ELAPOR2: variants seen among roughly 807,000 people sequenced by gnomAD.
ELAPOR2 encodes the protein endosome/lysosome-associated apoptosis and autophagy regulator family member 2.
ELAPOR2 carries 89 observed loss-of-function variants against 120.7 expected under a neutral mutation model. That is an observed-to-expected ratio of 0.74 (90% CI 0.62 to 0.88). The LOEUF (loss-of-function observed/expected upper bound fraction) is 0.88. ELAPOR2 is among the 40% of genes least tolerant of loss of function. The pLI is 0.00. For synonymous variants in ELAPOR2, 444 were observed against 444.9 expected, an observed-to-expected ratio of 1.00 and a Z score of 0.03; for missense variants, 1,134 against 1,251.6, an observed-to-expected ratio of 0.91 and a Z score of 1.42.
intron 1 of ELAPOR2, among the ~76,000 whole-genome samples, chr7:86,988,056 A>T (rs1037784683): frequency 6.6e-6 from 1 of 152,208 alleles, no homozygotes; most frequent in Non-Finnish European, 1.5e-5. Flanking sequence ...AGCGACATGG[A>T]GGAAGCTGGA....
At chr7:87,042,175 C>T (rs1794809516) in intron 1 of ELAPOR2, among the ~76,000 whole-genome samples, 1 of 150,394 alleles carries the variant, frequency 6.6e-6, no homozygotes, top group Non-Finnish European at 1.5e-5. Context: ...GACTTTAACA[C>T]CCCACTGTCA....
At chr7:87,037,249 C>T (rs1794616891) in intron 1 of ELAPOR2, among the ~76,000 whole-genome samples, 1 of 152,100 alleles carries the variant, frequency 6.6e-6, no homozygotes, top group Non-Finnish European at 1.5e-5. Context: ...CTCTCAGCTG[C>T]ACTCCTGTAC....
At chr7:86,948,739 A>G (rs1791110765) in intron 2 of ELAPOR2, among the ~76,000 whole-genome samples, 1 of 152,044 alleles carries the variant, frequency 6.6e-6, no homozygotes, top group Non-Finnish European at 1.5e-5. Context: ...ACTACAAAAA[A>G]AGAAAGCTAA....
At chr7:86,905,170 A>G (rs558156495) in intron 18 of ELAPOR2, among the ~76,000 whole-genome samples, 2 of 149,788 alleles carry the variant, frequency 1.3e-5, no homozygotes, top group East Asian at 2.0e-4. Flanking sequence ...GAGAGAAAGA[A>G]AGAAAGAGAG....
chr7:86,893,957 A>C (rs1788317707), intron 19 of ELAPOR2, among the ~76,000 whole-genome samples: 1 of 152,108 alleles, frequency 6.6e-6, no homozygotes, highest in African/African-American at 2.4e-5. Flanking sequence ...GATTCTATCC[A>C]CCAACATTAA....
chr7:86,918,059 C>T (rs987941179), intron 12 of ELAPOR2, among the ~76,000 whole-genome samples: 5 of 152,012 alleles, frequency 3.3e-5, no homozygotes, highest in Non-Finnish European at 5.9e-5. Context: ...TCTGCTCTTA[C>T]TTATTAGTAC....
At chr7:86,936,747 G>A (rs1007258884) in intron 8 of ELAPOR2, among the ~76,000 whole-genome samples, 1 of 151,892 alleles carries the variant, frequency 6.6e-6, no homozygotes, top group Non-Finnish European at 1.5e-5. Flanking sequence ...TTAATATACG[G>A]TCTTGCATCC....
intron 1 of ELAPOR2, among the ~76,000 whole-genome samples, chr7:87,009,190 G>A (rs1235324431): frequency 6.6e-6 from 1 of 152,096 alleles, no homozygotes; most frequent in African/African-American, 2.4e-5. Context: ...CATCAAGCAA[G>A]GTGAATTTTG....
chr7:86,956,028 C>T (rs956024839), intron 2 of ELAPOR2, among the ~76,000 whole-genome samples: 10 of 151,952 alleles, frequency 6.6e-5, no homozygotes, highest in African/African-American at 2.2e-4. Context: ...AAAAAGAACT[C>T]TGCCTTAAAA....
intron 1 of ELAPOR2, among the ~76,000 whole-genome samples, chr7:86,981,272 C>A (rs1792470386): frequency 6.6e-6 from 1 of 152,222 alleles, no homozygotes; most frequent in Non-Finnish European, 1.5e-5. Context: ...TGCTGGGACT[C>A]TGTGATACAT....
chr7:87,012,234 A>T (rs964129049), intron 1 of ELAPOR2, among the ~76,000 whole-genome samples: 3 of 152,078 alleles, frequency 2.0e-5, no homozygotes, highest in East Asian at 1.9e-4. Flanking sequence ...ACATGGTGAA[A>T]CCCTGTCTCT....
chr7:87,007,458 C>T (rs1793520586), intron 1 of ELAPOR2, among the ~76,000 whole-genome samples: 1 of 152,046 alleles, frequency 6.6e-6, no homozygotes, highest in Non-Finnish European at 1.5e-5. Flanking sequence ...TTAATATGAA[C>T]AGATATGGAA....
intron 18 of ELAPOR2, among the ~76,000 whole-genome samples, chr7:86,905,174 AAGAGAGAAAG>A (rs1002659552): frequency 6.8e-6 from 1 of 147,208 alleles, no homozygotes; most frequent in Non-Finnish European, 1.5e-5. Context: ...GAAAGAAAGA[AAGAGAGAAAG>A]AGAGAGAGAG....
rs1019546030 is a variant in ELAPOR2 at position 86,965,869 on chromosome 7, C to T, written c.190-845G>A. 8.1e-6 allele frequency: 8 copies of T among 985,064 alleles called. No individual in the cohort carries two copies. The African/African-American group carries it at 8.7e-5, about 11-fold the overall frequency. 61.0% of individuals were successfully genotyped at this position (985,064 alleles called of 1,614,324 possible). Reference sequence around the variant, plus strand: ...TTCTGCTGCATCCACACTGTTTTGCCTCCCTCACTGTGTCAATGACAAGTG... The same window carrying T: ...TTCTGCTGCATCCACACTGTTTTGCTTCCCTCACTGTGTCAATGACAAGTG... On this transcript the variant is annotated intron_variant, in intron 1 of 21. Coordinates refer to ENST00000450689, the MANE Select transcript of ELAPOR2 (RefSeq NM_001142749.3).
chr7:86,938,883 C>G lies in ELAPOR2; in HGVS notation c.925G>C (p.Val309Leu). The stretch of plus-strand genomic sequence containing the variant: ...TCAGAATAGGTGTTTCTGGGACACA[C>G]CTGGCAGTTGAATGAACCTGGTTTG... Reference protein sequence around the residue: ...SNKPGSFNCQVCPRNTYSEKG... With the variant: ...SNKPGSFNCQLCPRNTYSEKG... Residue 309 changes from valine to leucine, a missense_variant, in exon 7 of 22, where the codon GTG (valine) becomes CTG (leucine). Physicochemically the swap from Val to Leu is conservative, Grantham distance 32. Coordinates refer to ENST00000450689, the MANE Select transcript of ELAPOR2 (RefSeq NM_001142749.3). 6.2e-7 allele frequency: 1 copy of G among 1,613,408 alleles called. No individual in the cohort carries two copies. The highest frequency in any genetic ancestry group is 8.5e-7 in the Non-Finnish European group (1 of 1,179,540).
chr7:86,970,320 A>G (rs1792063056), intron 1 of ELAPOR2, among the ~76,000 whole-genome samples: 1 of 152,216 alleles, frequency 6.6e-6, no homozygotes, highest in Admixed American at 6.5e-5. Context: ...TGGAAAGGAC[A>G]AAAAGAAGTA....
chr7:86,993,272 G>GA (rs1011667094), intron 1 of ELAPOR2, among the ~76,000 whole-genome samples: 1 of 136,352 alleles, frequency 7.3e-6, no homozygotes, highest in Non-Finnish European at 1.6e-5. Flanking sequence ...GAAAAGGAAA[G>GA]AAAAAGAAAA....
intron 8 of ELAPOR2, among the ~76,000 whole-genome samples, chr7:86,932,578 C>G (rs1416383133): frequency 1.3e-5 from 2 of 151,896 alleles, no homozygotes; most frequent in Non-Finnish European, 2.9e-5. Context: ...TGTTTACTAG[C>G]TCCCAAACAA....
At chr7:86,967,532 T>G (rs939364191) in intron 1 of ELAPOR2, among the ~76,000 whole-genome samples, 4 of 152,188 alleles carry the variant, frequency 2.6e-5, no homozygotes, top group Middle Eastern at 3.2e-3. Flanking sequence ...TATATAAAAT[T>G]TAGGTGATTT....
Sources: allele counts gnomAD v4.1 joint callset (sites outside exome capture counted in the v4.1 genomes callset), GRCh38; gene constraint gnomAD v4.1.1; transcripts MANE v1.5; gene names NCBI Gene and HGNC (gene_info 2026-07-23, HGNC 2026-07-21).